GPAT4: variants seen among roughly 807,000 people sequenced by gnomAD.
GPAT4 encodes 1-AGP acyltransferase 6.
In GPAT4, 17 loss-of-function variants were observed where a neutral mutation model predicts 58.0. The observed-to-expected ratio is 0.29, with a 90% confidence interval of 0.20 to 0.44. The LOEUF is 0.44. GPAT4 is among the 20% of genes least tolerant of loss of function. The pLI is 1.00. For missense variants in GPAT4, 377 were observed against 574.5 expected (o/e 0.66, Z 3.51); for synonymous variants, 204 against 210.1 (o/e 0.97, Z 0.25).
chr8:41,596,989 G>A (rs1293662439), intron 1 of GPAT4, among the ~76,000 whole-genome samples: 2 of 152,100 alleles, frequency 1.3e-5, no homozygotes, highest in African/African-American at 2.4e-5. Flanking sequence ...TGCATGCACC[G>A]GTAATCAGAA....
At chr8:41,592,184 G>A (rs553886768) in intron 1 of GPAT4, among the ~76,000 whole-genome samples, 2 of 152,198 alleles carry the variant, frequency 1.3e-5, no homozygotes, top group African/African-American at 4.8e-5. Context: ...GCAGTAGGAA[G>A]AAAGATGGTT....
intron 2 of GPAT4, among the ~76,000 whole-genome samples, chr8:41,607,455 C>G (rs1438696837): frequency 2.5e-4 from 38 of 152,070 alleles, no homozygotes; most frequent in Admixed American, 2.5e-3. Flanking sequence ...AAATTGTCAT[C>G]TGAGAGGCCT....
chr8:41,616,972 A>C (rs1166979139), intron 10 of GPAT4, among the ~76,000 whole-genome samples: 1 of 152,014 alleles, frequency 6.6e-6, no homozygotes, highest in Non-Finnish European at 1.5e-5. Context: ...CTCTGTCCAC[A>C]CACACTGCCC....
intron 2 of GPAT4, among the ~76,000 whole-genome samples, chr8:41,602,502 G>C (rs1803132433): frequency 6.6e-6 from 1 of 152,094 alleles, no homozygotes; most frequent in South Asian, 2.1e-4. Flanking sequence ...GGGTGCTCCG[G>C]AAGAGTGCTG....
chr8:41,590,070 A>G (rs549695613), intron 1 of GPAT4, among the ~76,000 whole-genome samples: 1 of 152,220 alleles, frequency 6.6e-6, no homozygotes, highest in East Asian at 1.9e-4. Context: ...AATGGAGTCC[A>G]GATCTTGATG....
At chr8:41,606,763 G>T (rs369985172) in intron 2 of GPAT4, among the ~76,000 whole-genome samples, 3 of 152,156 alleles carry the variant, frequency 2.0e-5, no homozygotes, top group South Asian at 2.1e-4. Context: ...AGGTGGCTTG[G>T]CTAGCACGGG....
At chr8:41,588,305 G>A (rs913578088) in intron 1 of GPAT4, among the ~76,000 whole-genome samples, 1 of 152,176 alleles carries the variant, frequency 6.6e-6, no homozygotes, top group African/African-American at 2.4e-5. Context: ...TATTCTAGCA[G>A]TTATGGTCCC....
At chr8:41,618,123 C>T (rs905902947) in intron 10 of GPAT4, among the ~76,000 whole-genome samples, 3 of 152,212 alleles carry the variant, frequency 2.0e-5, no homozygotes, top group Non-Finnish European at 2.9e-5. Context: ...CCTGAACAGA[C>T]GACTGACTTT....
In GPAT4 at chr8:41,597,028, G is replaced by A. The variant is rs557684614; in HGVS notation, c.-848-1264G>A. 8.5e-5 allele frequency among the ~76,000 whole-genome samples: 13 copies of A among 152,280 alleles called. 1 individual carries two copies. The South Asian group carries it at 2.1e-3, about 24-fold the overall frequency. On this transcript the variant is annotated intron_variant, in intron 1 of 12. Coordinates refer to ENST00000396987, the MANE Select transcript of GPAT4 (RefSeq NM_178819.4). Reference sequence around the variant, plus strand: ...AACAGAACAGGACAGGGGTTTTCACGATGCTTTTCCATACAGTGTCTGAAA... The same window carrying A: ...AACAGAACAGGACAGGGGTTTTCACAATGCTTTTCCATACAGTGTCTGAAA...
Position 41,621,125 on chromosome 8 carries a change from C to T in GPAT4, c.*124C>T. ...CAGGGCTCCCCGGGCTGCTCTGGAT[C>T]CCAGGACTCCGGCTTTCGCCGAGCC... On this transcript the variant is annotated 3_prime_UTR_variant, in exon 13 of 13. Transcript: ENST00000396987. 3.7e-6 allele frequency: 5 copies of T among 1,352,264 alleles called. No individual in the cohort carries two copies. The highest frequency in any genetic ancestry group is 5.0e-6 in the Non-Finnish European group (5 of 1,004,104). 83.8% of individuals were successfully genotyped at this position (1,352,264 alleles called of 1,614,324 possible). A position where few individuals can be genotyped will look rare whatever the true frequency, so the allele number is the denominator to read the frequency against.
intron 12 of GPAT4, 120 bp from the exon 13 acceptor site, chr8:41,620,772 CG>C: frequency 6.8e-7 from 1 of 1,468,568 alleles, no homozygotes; most frequent in Non-Finnish European, 9.1e-7. Flanking sequence ...GAGAGTGCCA[CG>C]GGGTACCCTG....
chr8:41,618,862 C>T, intron 11 of GPAT4, 36 bp from the exon 12 acceptor site: 1 of 1,614,198 alleles, frequency 6.2e-7, no homozygotes, highest in Admixed American at 1.7e-5. Context: ...TAACGTCAAG[C>T]CGGGGCTGAG....
intron 2 of GPAT4, among the ~76,000 whole-genome samples, chr8:41,601,434 G>T (rs12375290): frequency 0.018 from 2,813 of 152,180 alleles, 50 homozygotes; most frequent in Non-Finnish European, 0.028. Context: ...GGATCCCTGC[G>T]GATGGTATAA....
intron 1 of GPAT4, among the ~76,000 whole-genome samples, chr8:41,595,181 C>CTTTTT (rs1802896254): frequency 7.1e-6 from 1 of 140,112 alleles, no homozygotes; most frequent in Admixed American, 7.2e-5. Context: ...TTTTTAATTA[C>CTTTTT]CTGGGAGGAA....
At chr8:41,587,730 A>T (rs1563268488) in intron 1 of GPAT4, among the ~76,000 whole-genome samples, 1 of 152,202 alleles carries the variant, frequency 6.6e-6, no homozygotes, top group South Asian at 2.1e-4. Flanking sequence ...GGGGTAAAAA[A>T]ATCACCCTTG....
intron 1 of GPAT4, among the ~76,000 whole-genome samples, chr8:41,594,756 A>G (rs913557475): frequency 6.6e-6 from 1 of 152,082 alleles, no homozygotes; most frequent in Non-Finnish European, 1.5e-5. Context: ...CGTGTTAGCC[A>G]GGATGGTCTC....
At chr8:41,585,019 A>T (rs547974070) in intron 1 of GPAT4, 1 of 152,228 alleles carries the variant, frequency 6.6e-6, no homozygotes, top group East Asian at 1.9e-4. Context: ...GGTTTTTAGC[A>T]CTTCAGGTTC....
chr8:41,596,667 C>T (rs1010830531), intron 1 of GPAT4, among the ~76,000 whole-genome samples: 3 of 152,216 alleles, frequency 2.0e-5, no homozygotes, highest in African/African-American at 7.2e-5. Flanking sequence ...TGGTCTGAGT[C>T]CCCCGCAGGG....
chr8:41,592,310 G>A (rs1334794502), intron 1 of GPAT4, among the ~76,000 whole-genome samples: 2 of 152,146 alleles, frequency 1.3e-5, no homozygotes, highest in East Asian at 3.8e-4. Context: ...GGGACTCCAG[G>A]TGGGTCCATG....
Sources: allele counts gnomAD v4.1 joint callset (sites outside exome capture counted in the v4.1 genomes callset), GRCh38; gene constraint gnomAD v4.1.1; transcripts MANE v1.5; gene names NCBI Gene and HGNC (gene_info 2026-07-23, HGNC 2026-07-21).